OPA1: variants seen among roughly 807,000 people sequenced by gnomAD.
OPA1 encodes the protein dynamin-like GTPase OPA1, mitochondrial.
Under a neutral mutation model 152.9 loss-of-function variants are expected in OPA1, and 59 were observed. That is an observed-to-expected ratio of 0.39 (90% confidence interval 0.31 to 0.48). The LOEUF is 0.48. Ranked by LOEUF, OPA1 falls within the 20% of genes least tolerant of loss-of-function variation. The pLI, the probability that OPA1 is intolerant of heterozygous loss-of-function variation, is 0.96. For missense variants in OPA1, 1,008 were observed against 1,216.8 expected, an observed-to-expected ratio of 0.83 and a Z score of 2.55; for synonymous variants, 400 against 389.9, an observed-to-expected ratio of 1.03 and a Z score of -0.31.
In OPA1 at chr3:193,631,597, A is replaced by G; in HGVS notation, c.790-15A>G. On this transcript the variant is annotated splice_polypyrimidine_tract_variant and intron_variant, in intron 7 of 30. Transcript: ENST00000361510. ...AACCTAATTCTATTCAACTAAAATTATTTTAAACATTTAGGTGTCAGACAA... is the reference window on the plus strand; with the variant it reads ...AACCTAATTCTATTCAACTAAAATTGTTTTAAACATTTAGGTGTCAGACAA... The G allele has an allele frequency of 6.3e-7, 1 of 1,590,706 alleles. No homozygotes were observed. Among genetic ancestry groups the G allele is most frequent in the East Asian group, 2.2e-5 (1 of 44,638 alleles).
intron 11 of OPA1, among the ~76,000 whole-genome samples, chr3:193,640,190 T>C (rs1256159518): frequency 6.6e-6 from 1 of 152,156 alleles, no homozygotes; most frequent in Non-Finnish European, 1.5e-5. Flanking sequence ...ATGATCTTAC[T>C]GGAGAAGATC....
intron 26 of OPA1, among the ~76,000 whole-genome samples, chr3:193,664,529 A>G (rs1716071958): frequency 6.6e-6 from 1 of 152,008 alleles, no homozygotes; most frequent in African/African-American, 2.4e-5. Context: ...GTTTTTAGAT[A>G]AGGCTTTCAA....
At chr3:193,597,128 T>A (rs1025902290) in intron 1 of OPA1, among the ~76,000 whole-genome samples, 7 of 151,928 alleles carry the variant, frequency 4.6e-5, no homozygotes, top group Admixed American at 3.3e-4. Context: ...TGGGTGTAGA[T>A]GAGATTGCCT....
chr3:193,691,281 T>C (rs1721642755), intron 29 of OPA1: 1 of 152,156 alleles, frequency 6.6e-6, no homozygotes, highest in African/African-American at 2.4e-5. Flanking sequence ...CTTTTCCAAT[T>C]TTAAGAGGGG....
intron 25 of OPA1, among the ~76,000 whole-genome samples, chr3:193,661,099 A>G (rs915852248): frequency 6.6e-6 from 1 of 152,208 alleles, no homozygotes. Flanking sequence ...CCTGCTCGTA[A>G]GTTATTTTTG....
chr3:193,635,631 C>T (rs945306116), intron 9 of OPA1, 109 bp downstream of exon 9: 11 of 737,966 alleles, frequency 1.5e-5, no homozygotes, highest in Non-Finnish European at 2.0e-5. Flanking sequence ...CCTTTTCTTT[C>T]TAACCTAATG....
intron 22 of OPA1, among the ~76,000 whole-genome samples, chr3:193,656,717 A>G (rs1713915611): frequency 6.6e-6 from 1 of 152,230 alleles, no homozygotes; most frequent in South Asian, 2.1e-4. Context: ...CTGTTCAGCT[A>G]CAGTAGGTGG....
intron 6 of OPA1, among the ~76,000 whole-genome samples, chr3:193,620,934 T>G (rs562798599): frequency 1.6e-4 from 24 of 152,234 alleles, no homozygotes; most frequent in Non-Finnish European, 3.4e-4. Flanking sequence ...AGCAGTACCC[T>G]TTTTGAAATC....
rs568025079 is a variant in OPA1, at chr3:193,598,546, C to T, written c.32+5137C>T. ...AGGCAGAGAGAAAAACAATAAGGCT[C>T]ATGTAGGGTTTGTATTTTGTTGGAC... On this transcript the variant is annotated intron_variant, in intron 1 of 30. Transcript: ENST00000361510. Among the ~76,000 whole-genome samples the T allele has an allele frequency of 2.0e-3, 298 of 152,174 alleles. 2 individuals are homozygous for T. Among genetic ancestry groups the T allele is most frequent in the Admixed American group, 6.7e-3 (102 of 15,272 alleles).
chr3:193,634,952 A>C (rs1360074030), intron 8 of OPA1, among the ~76,000 whole-genome samples: 1 of 152,336 alleles, frequency 6.6e-6, no homozygotes, highest in South Asian at 2.1e-4. Flanking sequence ...TCTGTCACAT[A>C]ATGCATGCTT....
rs551903473 is a variant in OPA1 at position 193,611,815 on chromosome 3, G to T, written c.33-2908G>T. 2.0e-5 allele frequency among the ~76,000 whole-genome samples: 3 copies of T among 150,882 alleles called. No homozygotes were observed. In the South Asian group the frequency reaches 6.3e-4, roughly 32 times the overall value. ...TCACAAATATTTCTAAGCGACTTCT[G>T]TAATCTGAAACTGGTTCATCTTTTC... On this transcript the variant is annotated intron_variant, in intron 1 of 30. Coordinates refer to ENST00000361510, the MANE Select transcript of OPA1 (RefSeq NM_130837.3).
Position 193,638,085 on chromosome 3 carries a change from C to A in OPA1, c.1149+20C>A. Reference sequence around the variant, plus strand: ...GTTAAGGTAAGAACATAGGCCGTCTCAGTGAGGTTCCTTAGGAGAGTAACT... The same window carrying A: ...GTTAAGGTAAGAACATAGGCCGTCTAAGTGAGGTTCCTTAGGAGAGTAACT... On this transcript the variant is annotated intron_variant, in intron 11 of 30. Coordinates refer to ENST00000361510, the MANE Select transcript of OPA1 (RefSeq NM_130837.3). 2 of 1,561,780 alleles carry A rather than the reference C, an allele frequency of 1.3e-6. No homozygotes were observed. Among genetic ancestry groups the A allele is most frequent in the Non-Finnish European group, 1.8e-6 (2 of 1,132,874 alleles).
chr3:193,613,136 GCAGCCTC>G (rs1728509322), intron 1 of OPA1, among the ~76,000 whole-genome samples: 1 of 152,160 alleles, frequency 6.6e-6, no homozygotes. Context: ...TGCAAATCAG[GCAGCCTC>G]CAGAATTGAA....
chr3:193,685,517 T>C (rs566332448), intron 29 of OPA1, among the ~76,000 whole-genome samples: 1 of 152,330 alleles, frequency 6.6e-6, no homozygotes, highest in African/African-American at 2.4e-5. Flanking sequence ...GCATGAATAT[T>C]CATGGACATC....
rs754555962 is a variant in OPA1, at chr3:193,626,183, A to C, written c.770A>C (p.Tyr257Ser). ...GCCGCTGGCCAATATAGCACGAGCT[A>C]TGCCCAACAGAAGCGCAAGGTGATG... is the stretch of plus-strand genomic sequence containing the variant. Reference protein sequence around the residue: ...RRAAGQYSTSYAQQKRKVSDK... With the variant: ...RRAAGQYSTSSAQQKRKVSDK... Residue 257 changes from tyrosine to serine, a missense_variant, in exon 7 of 31, where the codon TAT becomes TCT. By Grantham distance (144) the Tyr-to-Ser change is moderately radical. Around this residue, in one of 7 missense-constraint regions of OPA1, gnomAD observed 408 missense variants for 395.1 expected, o/e 1.03. Transcript: ENST00000361510. 1 of 1,613,946 alleles carries C rather than the reference A, an allele frequency of 6.2e-7. No individual in the cohort carries two copies. Among genetic ancestry groups the C allele is most frequent in the Non-Finnish European group, 8.5e-7 (1 of 1,179,794 alleles).
chr3:193,657,972 G>C (rs993321417), intron 23 of OPA1, among the ~76,000 whole-genome samples: 1 of 152,096 alleles, frequency 6.6e-6, no homozygotes, highest in Non-Finnish European at 1.5e-5. Flanking sequence ...ATGGCCGGGC[G>C]TGGTGGCTCA....
At chr3:193,599,494 A>C (rs1320314014) in intron 1 of OPA1, among the ~76,000 whole-genome samples, 1 of 150,794 alleles carries the variant, frequency 6.6e-6, no homozygotes, top group Non-Finnish European at 1.5e-5. Flanking sequence ...TGGAGTTTTG[A>C]ACCACAGCAA....
intron 8 of OPA1, among the ~76,000 whole-genome samples, chr3:193,632,658 C>A (rs923934253): frequency 1.3e-5 from 2 of 152,080 alleles, no homozygotes; most frequent in African/African-American, 2.4e-5. Context: ...CGCTTGAGCC[C>A]AGGAGTTTGA....
chr3:193,665,605 C>A (rs1467913913), intron 27 of OPA1, among the ~76,000 whole-genome samples: 1 of 152,098 alleles, frequency 6.6e-6, no homozygotes, highest in African/African-American at 2.4e-5. Flanking sequence ...CATTTTCTTA[C>A]AAGCAAAAAT....
Sources: gnomAD v4.1 joint callset for allele counts (sites outside exome capture counted in the v4.1 genomes callset) on GRCh38, gnomAD v4.1.1 for gene constraint, gnomAD v4.1.1 regional missense constraint, MANE v1.5 for transcripts, NCBI Gene and HGNC (gene_info 2026-07-23, HGNC 2026-07-21) for gene names.